The following CBFA2T2 variants were observed in gnomAD, a reference collection of about 807,000 sequenced individuals.
CBFA2T2 encodes the protein CBFA2/RUNX1 partner transcriptional co-repressor 2, also known as protein CBFA2T2.
In CBFA2T2, 11 loss-of-function variants were observed where a neutral mutation model predicts 62.2. That is an observed-to-expected ratio of 0.18 (90% CI 0.11 to 0.29). The LOEUF is 0.29. Among genes scored for constraint, CBFA2T2 ranks in the 10% least tolerant of loss-of-function variants. The pLI is 1.00. For missense variants in CBFA2T2, 592 were observed against 774.1 expected, an observed-to-expected ratio of 0.76 and a Z score of 2.79; for synonymous variants, 295 against 287.5, an observed-to-expected ratio of 1.03 and a Z score of -0.27.
chr20:33,574,266 G>A (rs894460176), intron 1 of CBFA2T2: 1 of 1,610,258 alleles, frequency 6.2e-7, no homozygotes, highest in Non-Finnish European at 8.5e-7. Context: ...GGAAAGGTAT[G>A]TGTGAAACAT....
chr20:33,567,033 A>C (rs1210490297), intron 1 of CBFA2T2, among the ~76,000 whole-genome samples: 1 of 152,218 alleles, frequency 6.6e-6, no homozygotes, highest in Non-Finnish European at 1.5e-5. Flanking sequence ...CAAGTCAGTA[A>C]ATAAAGGAAT....
intron 1 of CBFA2T2, among the ~76,000 whole-genome samples, chr20:33,592,710 C>A (rs896600984): frequency 6.6e-6 from 1 of 151,836 alleles, no homozygotes; most frequent in Non-Finnish European, 1.5e-5. Flanking sequence ...ATACAAAATT[C>A]ATGCAACATT....
At chr20:33,540,918 A>C (rs928078078) in intron 1 of CBFA2T2, among the ~76,000 whole-genome samples, 20 of 152,190 alleles carry the variant, frequency 1.3e-4, no homozygotes, top group Admixed American at 4.6e-4. Flanking sequence ...TTCACATAGA[A>C]TATAATGTGA....
At position 33,628,444 on chromosome 20, in the gene CBFA2T2, C is replaced by A. The variant is rs2016331876; in HGVS notation, c.1032+9C>A. 1 of 1,583,938 alleles carries A rather than the reference C, an allele frequency of 6.3e-7. No homozygotes were observed. The highest frequency in any genetic ancestry group is 1.3e-5 in the African/African-American group (1 of 74,398). On this transcript the variant is annotated intron_variant, in intron 7 of 10. Transcript: ENST00000342704. ...GGAAACATCTTGACCATGTAAGAAT[C>A]TTGTAGTGTGTAATGTCCCTAACTC...
At chr20:33,497,688 T>C (rs928079797) in intron 1 of CBFA2T2, among the ~76,000 whole-genome samples, 2 of 151,674 alleles carry the variant, frequency 1.3e-5, no homozygotes, top group African/African-American at 4.8e-5. Flanking sequence ...TAGCAGGGAC[T>C]ACAGGCACAC....
At chr20:33,529,782 T>TATATATATATATATA (rs2012001366) in intron 1 of CBFA2T2, among the ~76,000 whole-genome samples, 2 of 140,690 alleles carry the variant, frequency 1.4e-5, no homozygotes, top group African/African-American at 5.4e-5. Context: ...TATATATATA[T>TATATATATATATATA]TTCTTTTTTT....
intron 1 of CBFA2T2, among the ~76,000 whole-genome samples, chr20:33,561,075 A>T (rs753021945): frequency 1.6e-4 from 24 of 152,086 alleles, no homozygotes; most frequent in Non-Finnish European, 2.9e-4. Context: ...ACAGGGTTTC[A>T]CCATGTTGGC....
chr20:33,633,495 A>G lies in CBFA2T2; in HGVS notation c.1229-3145A>G, dbSNP rs944674848. On this transcript the variant is annotated intron_variant, in intron 8 of 10. Transcript: ENST00000342704. The stretch of plus-strand genomic sequence containing the variant: ...GAGAGAAATTGACTAGAGGCTTTAG[A>G]TGGCATTATTACTTTTCCCATTTAA... Among the ~76,000 whole-genome samples, 3 of 152,352 alleles carry G rather than the reference A, an allele frequency of 2.0e-5. No individual in the cohort carries two copies. The East Asian group carries it at 5.8e-4, about 29-fold the overall frequency.
At chr20:33,565,136 G>A (rs1467326217) in intron 1 of CBFA2T2, among the ~76,000 whole-genome samples, 3 of 151,882 alleles carry the variant, frequency 2.0e-5, no homozygotes, top group Non-Finnish European at 4.4e-5. Context: ...AGCCAGGATG[G>A]TCTCGATCTC....
chr20:33,575,146 C>T (rs1169805783), intron 1 of CBFA2T2, among the ~76,000 whole-genome samples: 2 of 152,118 alleles, frequency 1.3e-5, no homozygotes, highest in Non-Finnish European at 2.9e-5. Flanking sequence ...GACTGCTATG[C>T]GAGGTAGCTG....
At chr20:33,560,284 T>C (rs1445146309) in intron 1 of CBFA2T2, among the ~76,000 whole-genome samples, 1 of 152,188 alleles carries the variant, frequency 6.6e-6, no homozygotes, top group African/African-American at 2.4e-5. Context: ...GAACAAGTGA[T>C]CCAAGACAGC....
At chr20:33,531,694 C>T (rs1287733836) in intron 1 of CBFA2T2, among the ~76,000 whole-genome samples, 1 of 152,140 alleles carries the variant, frequency 6.6e-6, no homozygotes, top group African/African-American at 2.4e-5. Flanking sequence ...GGTGGGCGAG[C>T]TAAACTAATA....
At position 33,623,294 on chromosome 20, in the gene CBFA2T2, G is replaced by C. The variant is rs544838236; in HGVS notation, c.690G>C (p.Glu230Asp). The change falls in exon 5 of 11, where the codon GAG becomes GAC. Residue 230 changes from glutamate (E) to aspartate (D), a missense_variant and splice_region_variant. Around this residue, in one of 3 missense-constraint regions of CBFA2T2, gnomAD observed 449 missense variants for 551.2 expected, o/e 0.81. Coordinates refer to ENST00000342704, the MANE Select transcript of CBFA2T2 (RefSeq NM_001032999.3). ...GAAATGGGAAGAGGCCCAGTCCAGA[G>C]AGGTGAGCAGATGAGCTTTGCTGTC... ...VHGNGKRPSP[E>D]RREENSFDRD... The C allele has an allele frequency of 6.2e-7, 1 of 1,614,212 alleles. No homozygotes were observed. The highest frequency in any genetic ancestry group is 1.7e-5 in the Admixed American group (1 of 60,030).
intron 1 of CBFA2T2, among the ~76,000 whole-genome samples, chr20:33,557,899 G>A (rs752735404): frequency 2.0e-5 from 3 of 151,592 alleles, no homozygotes; most frequent in Non-Finnish European, 4.4e-5. Context: ...GCAGTGGCGC[G>A]ATCTCGGCTC....
Position 33,512,458 on chromosome 20 carries a change from C to T in CBFA2T2, c.34+22157C>T, listed in dbSNP as rs142948007. 2.6e-5 allele frequency among the ~76,000 whole-genome samples: 4 copies of T among 152,328 alleles called. No individual in the cohort carries two copies. The East Asian group carries it at 7.7e-4, about 29-fold the overall frequency. On this transcript the variant is annotated intron_variant, in intron 1 of 10. Coordinates refer to ENST00000342704, the MANE Select transcript of CBFA2T2 (RefSeq NM_001032999.3). The stretch of plus-strand genomic sequence containing the variant: ...CTCCAAGGGGTAACCACTATCCTGA[C>T]CTCTATCACCATTCATTAGTTTTGC...
intron 1 of CBFA2T2, among the ~76,000 whole-genome samples, chr20:33,510,307 T>C (rs1205858785): frequency 2.0e-5 from 3 of 150,092 alleles, no homozygotes; most frequent in African/African-American, 4.9e-5. Context: ...ACCTCCCGGG[T>C]TCATGCCATT....
chr20:33,545,470 T>TTTCTTTCTTTCTTTCTTTCC (rs1209263074), intron 1 of CBFA2T2, among the ~76,000 whole-genome samples: 2 of 151,326 alleles, frequency 1.3e-5, no homozygotes, highest in Non-Finnish European at 2.9e-5. Flanking sequence ...TCTTTCTTTC[T>TTTCTTTCTTTCTTTCTTTCC]TTCGTTCGTT....
rs1452430957 is a variant in CBFA2T2, at chr20:33,645,947, AGAATGTTAG to A, written c.*1305_*1313del. On this transcript the variant is annotated 3_prime_UTR_variant, in exon 11 of 11. Transcript: ENST00000342704. The stretch of plus-strand genomic sequence containing the variant: ...ATGGGACATCACTCATATCCCTTTC[AGAATGTTAG>A]GAACTGCCTCCCACATTCTTCCCTG... 1 of 152,150 alleles carries A rather than the reference AGAATGTTAG, an allele frequency of 6.6e-6. No individual in the cohort carries two copies. The highest frequency in any genetic ancestry group is 1.5e-5 in the Non-Finnish European group (1 of 68,030). The allele number at this position is 152,150 out of a possible 1,614,324, so 9.4% of individuals were successfully genotyped here. A position where few individuals can be genotyped will look rare whatever the true frequency, so the allele number is the denominator to read the frequency against.
chr20:33,584,935 G>A (rs2014299541), intron 1 of CBFA2T2, among the ~76,000 whole-genome samples: 1 of 152,132 alleles, frequency 6.6e-6, no homozygotes, highest in Non-Finnish European at 1.5e-5. Flanking sequence ...TGCTGAGATT[G>A]TAACCCAGGG....
Sources: allele counts gnomAD v4.1 joint callset (sites outside exome capture counted in the v4.1 genomes callset), GRCh38; gene constraint gnomAD v4.1.1; regional missense constraint gnomAD v4.1.1; transcripts MANE v1.5; gene names NCBI Gene and HGNC (gene_info 2026-07-23, HGNC 2026-07-21).